The following OPCML variants were observed in gnomAD, a reference collection of about 807,000 sequenced individuals.
OPCML encodes the protein opioid binding protein/cell adhesion molecule like.
In OPCML, 13 loss-of-function variants were observed where a neutral mutation model predicts 37.8. The ratio of observed to expected loss-of-function variants is 0.34; its 90% CI spans 0.22 to 0.55. The LOEUF (loss-of-function observed/expected upper bound fraction) is 0.55. Among genes scored for constraint, OPCML ranks in the 20% least tolerant of loss-of-function variants. The pLI, the probability that OPCML is intolerant of heterozygous loss-of-function variation, is 0.91. For missense variants in OPCML, 341 were observed against 435.6 expected, an observed-to-expected ratio of 0.78 and a Z score of 1.93; for synonymous variants, 176 against 168.8, an observed-to-expected ratio of 1.04 and a Z score of -0.33.
intron 1 of OPCML, among the ~76,000 whole-genome samples, chr11:132,996,664 T>C (rs189564421): frequency 5.7e-4 from 87 of 152,000 alleles, no homozygotes; most frequent in African/African-American, 2.1e-3. Context: ...TCTATGTATT[T>C]TTTTTTCCCC....
chr11:133,471,063 T>C (rs1947100714), intron 1 of OPCML, among the ~76,000 whole-genome samples: 1 of 152,172 alleles, frequency 6.6e-6, no homozygotes, highest in Admixed American at 6.5e-5. Flanking sequence ...ATGATCCCTG[T>C]CCTTGAAGAC....
intron 3 of OPCML, among the ~76,000 whole-genome samples, chr11:132,589,939 TA>T (rs1281695251): frequency 2.0e-5 from 3 of 152,224 alleles, no homozygotes; most frequent in African/African-American, 7.2e-5. Flanking sequence ...TGCATGTTTT[TA>T]AACAACACTT....
At chr11:133,171,112 G>A (rs1350556054) in intron 1 of OPCML, among the ~76,000 whole-genome samples, 1 of 152,188 alleles carries the variant, frequency 6.6e-6, no homozygotes, top group African/African-American at 2.4e-5. Flanking sequence ...GAGATTTCAG[G>A]GAGTGAGGCT....
chr11:132,530,128 A>G (rs2096320294), intron 3 of OPCML, among the ~76,000 whole-genome samples: 1 of 152,168 alleles, frequency 6.6e-6, no homozygotes, highest in Non-Finnish European at 1.5e-5. Flanking sequence ...TAAGCACTCA[A>G]TAAATGTTAG....
chr11:133,503,255 A>G lies in OPCML; in HGVS notation c.61+29009T>C, dbSNP rs528562790. ...AAACTCATGTTGTTTCCCTGGCCCTATGAGCTCTGTGGAACCATCACTACC... is the reference window on the plus strand; with the variant it reads ...AAACTCATGTTGTTTCCCTGGCCCTGTGAGCTCTGTGGAACCATCACTACC... On this transcript the variant is annotated intron_variant, in intron 1 of 7. Transcript: ENST00000524381. 2.6e-5 allele frequency among the ~76,000 whole-genome samples: 4 copies of G among 152,308 alleles called. No homozygotes were observed. In the South Asian group the frequency reaches 6.2e-4, roughly 24 times the overall value.
rs146760579 is a variant in OPCML at position 132,843,467 on chromosome 11, A to T, written c.146+99459T>A. Among the ~76,000 whole-genome samples the T allele has an allele frequency of 2.2e-3, 329 of 152,266 alleles. 1 individual carries two copies. Among genetic ancestry groups the T allele is most frequent in the South Asian group, 7.0e-3 (34 of 4,824 alleles). The stretch of plus-strand genomic sequence containing the variant: ...AAGATTCTGATGCAACGGTTCTAGA[A>T]AAGGGTACTTTGGAAAAACTGATAC... On this transcript the variant is annotated intron_variant, in intron 2 of 7. Transcript: ENST00000524381.
intron 4 of OPCML, among the ~76,000 whole-genome samples, chr11:132,478,757 A>G (rs1045241468): frequency 2.6e-5 from 4 of 152,168 alleles, no homozygotes; most frequent in African/African-American, 9.7e-5. Context: ...GGCTTCTAAG[A>G]TTAACTGGTT....
At chr11:133,192,272 C>T (rs1938355552) in intron 1 of OPCML, among the ~76,000 whole-genome samples, 1 of 152,096 alleles carries the variant, frequency 6.6e-6, no homozygotes, top group Non-Finnish European at 1.5e-5. Flanking sequence ...AATGTTTTTC[C>T]AAATTTGGAC....
chr11:133,394,652 T>A (rs1268852517), intron 1 of OPCML, among the ~76,000 whole-genome samples: 1 of 139,854 alleles, frequency 7.2e-6, no homozygotes, highest in Non-Finnish European at 1.5e-5. Context: ...AATGAGAACA[T>A]GAGAAGTCTG....
At chr11:132,881,384 G>T (rs1468168098) in intron 2 of OPCML, among the ~76,000 whole-genome samples, 2 of 152,146 alleles carry the variant, frequency 1.3e-5, no homozygotes, top group Non-Finnish European at 2.9e-5. Context: ...CCAAGAAGGG[G>T]CATGAAGCAC....
chr11:132,510,829 T>C (rs1294194755), intron 4 of OPCML, among the ~76,000 whole-genome samples: 1 of 152,126 alleles, frequency 6.6e-6, no homozygotes, highest in Non-Finnish European at 1.5e-5. Flanking sequence ...AACTTCTCAA[T>C]CTGATAAAGA....
intron 4 of OPCML, among the ~76,000 whole-genome samples, chr11:132,504,949 A>G (rs1248576110): frequency 1.3e-5 from 2 of 152,088 alleles, no homozygotes; most frequent in African/African-American, 4.8e-5. Context: ...GCAGCTTCAA[A>G]CCAGAGGAGT....
At chr11:132,686,962 C>T (rs1166645346) in intron 2 of OPCML, among the ~76,000 whole-genome samples, 1 of 152,116 alleles carries the variant, frequency 6.6e-6, no homozygotes, top group Non-Finnish European at 1.5e-5. Flanking sequence ...GACACCCCTT[C>T]TGGACATCAG....
chr11:133,404,070 T>G (rs549901934), intron 1 of OPCML, among the ~76,000 whole-genome samples: 1 of 152,320 alleles, frequency 6.6e-6, no homozygotes, highest in East Asian at 1.9e-4. Flanking sequence ...AGGGAGAACC[T>G]GTGCTCTGCG....
At chr11:132,887,683 C>A (rs1331343820) in intron 2 of OPCML, among the ~76,000 whole-genome samples, 1 of 152,178 alleles carries the variant, frequency 6.6e-6, no homozygotes, top group Non-Finnish European at 1.5e-5. Flanking sequence ...GCTTCCTTTT[C>A]AGAGCAAGGG....
chr11:132,659,322 A>C (rs1201526114), intron 2 of OPCML, among the ~76,000 whole-genome samples: 1 of 152,224 alleles, frequency 6.6e-6, no homozygotes, highest in Non-Finnish European at 1.5e-5. Flanking sequence ...TCTCAGTTGC[A>C]AATGACTGAT....
chr11:133,193,644 A>G (rs1451370766), intron 1 of OPCML, among the ~76,000 whole-genome samples: 1 of 152,220 alleles, frequency 6.6e-6, no homozygotes, highest in Admixed American at 6.5e-5. Flanking sequence ...ATGTTTACCC[A>G]TTTATATTTG....
chr11:133,282,007 G>A (rs1942170367), intron 1 of OPCML, among the ~76,000 whole-genome samples: 1 of 151,232 alleles, frequency 6.6e-6, no homozygotes, highest in African/African-American at 2.4e-5. Flanking sequence ...AATCAGGTTT[G>A]GGAACAACAA....
intron 1 of OPCML, among the ~76,000 whole-genome samples, chr11:133,347,190 T>C (rs900331604): frequency 5.3e-5 from 8 of 152,246 alleles, no homozygotes; most frequent in Non-Finnish European, 1.0e-4. Context: ...TGCTTCAGTT[T>C]TAAGCATCTT....
Sources: gnomAD v4.1 joint callset for allele counts (sites outside exome capture counted in the v4.1 genomes callset) on GRCh38, gnomAD v4.1.1 for gene constraint, MANE v1.5 for transcripts, NCBI Gene and HGNC (gene_info 2026-07-23, HGNC 2026-07-21) for gene names.